The following ZFAND3 variants were observed in gnomAD, a reference collection of about 807,000 sequenced individuals.
ZFAND3 encodes AN1-type zinc finger protein 3.
In ZFAND3, 10 loss-of-function variants were observed where a neutral mutation model predicts 29.6. The ratio of observed to expected loss-of-function variants is 0.34; its 90% CI spans 0.21 to 0.57. The LOEUF (loss-of-function observed/expected upper bound fraction) is 0.57, where lower values mean the gene tolerates loss of function less well. Among genes scored for constraint, ZFAND3 ranks in the 20% least tolerant of loss-of-function variants. The pLI, the probability that ZFAND3 is intolerant of heterozygous loss-of-function variation, is 0.86. For synonymous variants in ZFAND3, 128 were observed against 112.6 expected (o/e 1.14, Z -0.87); for missense variants, 230 against 304.5 (o/e 0.76, Z 1.82).
chr6:38,061,748 A>G lies in ZFAND3; in HGVS notation c.268A>G (p.Asn90Asp). ...PSQQPLPTEL[N>D]VTSPSKEECG... ...CCAGCAGCCGCTTCCGACAGAACTG[A>G]ATGTAACTTCACCGAGTAAAGAGGA... Residue 90 changes from asparagine (N) to aspartate (D), a missense_variant, in exon 3 of 6, where the codon AAT (asparagine) becomes GAT (aspartate). By Grantham distance (23) the Asn-to-Asp change is conservative. Transcript: ENST00000287218. The G allele has an allele frequency of 6.2e-7, 1 of 1,614,100 alleles. No homozygotes were observed. The highest frequency in any genetic ancestry group is 1.3e-5 in the African/African-American group (1 of 75,024).
intron 1 of ZFAND3, among the ~76,000 whole-genome samples, chr6:37,877,433 C>A (rs981221823): frequency 1.3e-5 from 2 of 151,928 alleles, no homozygotes; most frequent in African/African-American, 4.8e-5. Context: ...GGAGTCCAGA[C>A]GAGATAATGG....
intron 2 of ZFAND3, among the ~76,000 whole-genome samples, chr6:38,000,759 C>CT (rs1262954696): frequency 6.6e-6 from 1 of 152,096 alleles, no homozygotes; most frequent in African/African-American, 2.4e-5. Flanking sequence ...AAAGAAAAGA[C>CT]TAAAAGACAA....
Position 37,823,491 on chromosome 6 carries a change from G to T in ZFAND3, c.71+3475G>T, listed in dbSNP as rs919657255. ...GCTGCAGGACTTGCTGCCCAGCATT[G>T]CCCAGTCAGGACACTAATCAGTGTG... On this transcript the variant is annotated intron_variant, in intron 1 of 5. Coordinates refer to ENST00000287218, the MANE Select transcript of ZFAND3 (RefSeq NM_021943.3). Among the ~76,000 whole-genome samples, 3 of 152,248 alleles carry T rather than the reference G, an allele frequency of 2.0e-5. No homozygotes were observed. In the East Asian group the frequency reaches 5.8e-4, roughly 29 times the overall value.
At chr6:38,120,114 C>T (rs1320419175) in intron 5 of ZFAND3, among the ~76,000 whole-genome samples, 1 of 152,096 alleles carries the variant, frequency 6.6e-6, no homozygotes, top group Non-Finnish European at 1.5e-5. Flanking sequence ...AAACAGTTGC[C>T]TGAAAATGGA....
intron 2 of ZFAND3, among the ~76,000 whole-genome samples, chr6:38,000,371 C>T (rs981895642): frequency 6.6e-6 from 1 of 152,128 alleles, no homozygotes. Flanking sequence ...TTTATTAGTT[C>T]ATTCTTATAC....
At chr6:38,078,899 G>A (rs768337044) in intron 3 of ZFAND3, among the ~76,000 whole-genome samples, 25 of 152,118 alleles carry the variant, frequency 1.6e-4, no homozygotes, top group African/African-American at 5.6e-4. Flanking sequence ...CACACTCTCC[G>A]GCATTAGAAA....
chr6:37,850,395 A>T (rs1366932133), intron 1 of ZFAND3, among the ~76,000 whole-genome samples: 1 of 152,216 alleles, frequency 6.6e-6, no homozygotes, highest in Non-Finnish European at 1.5e-5. Context: ...GGCACTGGGC[A>T]TACGGAGAAT....
At chr6:38,108,632 C>T (rs1244389284) in intron 4 of ZFAND3, among the ~76,000 whole-genome samples, 2 of 152,214 alleles carry the variant, frequency 1.3e-5, no homozygotes, top group Non-Finnish European at 2.9e-5. Context: ...ACAGACTTAT[C>T]CCACCTTCTT....
intron 1 of ZFAND3, among the ~76,000 whole-genome samples, chr6:37,849,059 G>A (rs796919438): frequency 2.0e-4 from 31 of 152,312 alleles, no homozygotes; most frequent in African/African-American, 6.3e-4. Flanking sequence ...TAAGCCAATA[G>A]TGTCTTCTAT....
chr6:38,153,660 CG>C lies in ZFAND3; in HGVS notation c.*1272del. 1.0e-6 allele frequency: 1 copy of C among 985,176 alleles called. No individual in the cohort carries two copies. Among genetic ancestry groups the C allele is most frequent in the Non-Finnish European group, 1.2e-6 (1 of 829,896 alleles). The allele number at this position is 985,176 out of a possible 1,614,324, so 61.0% of individuals were successfully genotyped here. A position where few individuals can be genotyped will look rare whatever the true frequency, so the allele number is the denominator to read the frequency against. ...GGATTTCAGCAGCTGCAACTGCGCACGCCAGGTGGGGAAGGGTGGGGGTGGG... is the reference window on the plus strand; with the variant it reads ...GGATTTCAGCAGCTGCAACTGCGCACCCAGGTGGGGAAGGGTGGGGGTGGG... On this transcript the variant is annotated 3_prime_UTR_variant, in exon 6 of 6. Coordinates refer to ENST00000287218, the MANE Select transcript of ZFAND3 (RefSeq NM_021943.3).
intron 1 of ZFAND3, among the ~76,000 whole-genome samples, chr6:37,879,163 A>G (rs1764845571): frequency 2.0e-5 from 3 of 152,194 alleles, no homozygotes; most frequent in Admixed American, 2.0e-4. Flanking sequence ...TACAAAGTAT[A>G]CCTTGGAGAA....
rs935657887 is a variant in ZFAND3 at position 38,153,143 on chromosome 6, G to A, written c.*754G>A. The stretch of plus-strand genomic sequence containing the variant: ...GAAGCAGCCAGAGTGCCCCGCCTCC[G>A]CCGGCTCTGGTCTGCCATTCGCCAG... On this transcript the variant is annotated 3_prime_UTR_variant, in exon 6 of 6. Transcript: ENST00000287218. 3.5e-5 allele frequency: 34 copies of A among 985,390 alleles called. No homozygotes were observed. The highest frequency in any genetic ancestry group is 5.2e-4 in the Middle Eastern group (1 of 1,936). The allele number at this position is 985,390 out of a possible 1,614,324, so 61.0% of individuals were successfully genotyped here.
At chr6:37,886,317 TACAACCAACCTTAATGA>T (rs1249077429) in intron 1 of ZFAND3, among the ~76,000 whole-genome samples, 115 of 141,294 alleles carry the variant, frequency 8.1e-4, no homozygotes, top group African/African-American at 2.2e-3. Flanking sequence ...CCTTGATTAC[TACAACCAACCTTAATGA>T]CAAAGAAACC....
intron 4 of ZFAND3, among the ~76,000 whole-genome samples, chr6:38,099,408 A>G (rs1274531518): frequency 6.6e-6 from 1 of 152,204 alleles, no homozygotes; most frequent in African/African-American, 2.4e-5. Flanking sequence ...ACTCTGCCAT[A>G]AAAGCTTATT....
chr6:37,931,583 A>T (rs1048391421), intron 2 of ZFAND3, among the ~76,000 whole-genome samples: 1 of 152,048 alleles, frequency 6.6e-6, no homozygotes. Flanking sequence ...AAACAAAAAA[A>T]AGAAATGTTA....
At chr6:38,141,060 T>C (rs1244021146) in intron 5 of ZFAND3, among the ~76,000 whole-genome samples, 1 of 150,832 alleles carries the variant, frequency 6.6e-6, no homozygotes, top group African/African-American at 2.4e-5. Context: ...GTTCAGATTT[T>C]GTGGAAACGG....
At chr6:38,050,852 C>T (rs11757072) in intron 2 of ZFAND3, among the ~76,000 whole-genome samples, 13,401 of 152,140 alleles carry the variant, frequency 0.088, 771 homozygotes, top group East Asian at 0.29. Context: ...TAAGGGAAAA[C>T]GTGTCTCAAA....
chr6:37,892,926 C>CT (rs1675295740), intron 1 of ZFAND3, among the ~76,000 whole-genome samples: 1 of 152,098 alleles, frequency 6.6e-6, no homozygotes, highest in Admixed American at 6.6e-5. Context: ...TAGAATAGGC[C>CT]TGTAACAAGT....
At chr6:38,019,280 T>C (rs901646244) in intron 2 of ZFAND3, among the ~76,000 whole-genome samples, 2 of 152,162 alleles carry the variant, frequency 1.3e-5, no homozygotes, top group Non-Finnish European at 2.9e-5. Context: ...TAAAATGATA[T>C]CTTATTTTGC....
Sources: allele counts gnomAD v4.1 joint callset (sites outside exome capture counted in the v4.1 genomes callset), GRCh38; gene constraint gnomAD v4.1.1; transcripts MANE v1.5; gene names NCBI Gene and HGNC (gene_info 2026-07-23, HGNC 2026-07-21).